EFNB2: variants seen among roughly 807,000 people sequenced by gnomAD.
The protein encoded by EFNB2 is ephrin B2, also known as ephrin-B2.
A neutral mutation model predicts 32.1 loss-of-function variants in EFNB2; 5 were observed. The ratio of observed to expected loss-of-function variants is 0.16; its 90% CI spans 0.08 to 0.33. The LOEUF (loss-of-function observed/expected upper bound fraction) is 0.33, where lower values mean the gene tolerates loss of function less well. Among genes scored for constraint, EFNB2 ranks in the 10% least tolerant of loss-of-function variants. The pLI is 1.00. For synonymous variants in EFNB2, 168 were observed against 166.5 expected, an observed-to-expected ratio of 1.01 and a Z score of -0.07; for missense variants, 263 against 422.6, an observed-to-expected ratio of 0.62 and a Z score of 3.31.
chr13:106,531,027 C>T (rs978242421), intron 1 of EFNB2, among the ~76,000 whole-genome samples: 1 of 152,186 alleles, frequency 6.6e-6, no homozygotes, highest in African/African-American at 2.4e-5. Context: ...TTCACCTGTC[C>T]ACACACTTTA....
At chr13:106,498,705 T>C (rs11841855) in intron 2 of EFNB2, among the ~76,000 whole-genome samples, 2,481 of 152,224 alleles carry the variant, frequency 0.016, 69 homozygotes, top group African/African-American at 0.057. Context: ...ATTCAAGTCT[T>C]AGAGTTGAAG....
At chr13:106,502,655 T>C (rs1360395274) in intron 2 of EFNB2, among the ~76,000 whole-genome samples, 1 of 152,140 alleles carries the variant, frequency 6.6e-6, no homozygotes, top group Non-Finnish European at 1.5e-5. Flanking sequence ...AGTCACAAAA[T>C]AAAGCAATAA....
At chr13:106,533,909 A>T (rs895934341) in intron 1 of EFNB2, among the ~76,000 whole-genome samples, 1 of 152,106 alleles carries the variant, frequency 6.6e-6, no homozygotes, top group Admixed American at 6.5e-5. Flanking sequence ...TTAGGGATGG[A>T]TGGGATTTTC....
intron 2 of EFNB2, among the ~76,000 whole-genome samples, chr13:106,502,099 G>A (rs2090985556): frequency 1.3e-5 from 2 of 152,130 alleles, no homozygotes; most frequent in African/African-American, 4.8e-5. Context: ...ATGATAGGAA[G>A]AATCACTTGA....
At chr13:106,505,645 A>G (rs1878925678) in intron 2 of EFNB2, among the ~76,000 whole-genome samples, 1 of 152,090 alleles carries the variant, frequency 6.6e-6, no homozygotes, top group East Asian at 1.9e-4. Context: ...CATGTGTTTT[A>G]TTTTGCTTTA....
At position 106,526,412 on chromosome 13, in the gene EFNB2, G is replaced by A. The variant is rs575938392; in HGVS notation, c.122+8431C>T. Among the ~76,000 whole-genome samples, 544 of 152,240 alleles carry A rather than the reference G, an allele frequency of 3.6e-3. 4 individuals are homozygous for A. The highest frequency in any genetic ancestry group is 0.012 in the African/African-American group (519 of 41,534). The stretch of plus-strand genomic sequence containing the variant: ...GCTTGCATATCAATCATGACGTACC[G>A]TGTATATGGTTCTTTCTAAGTACAT... On this transcript the variant is annotated intron_variant, in intron 1 of 4. Transcript: ENST00000646441.
chr13:106,495,115 A>T, intron 3 of EFNB2, 121 bp from the exon 4 acceptor site: 1 of 722,166 alleles, frequency 1.4e-6, no homozygotes, highest in Non-Finnish European at 2.4e-6. Context: ...TATGCAAAGT[A>T]CTGTGAAATA....
In EFNB2 at chr13:106,512,578, A is replaced by C; in HGVS notation, c.357T>G (p.Pro119=). The C allele has an allele frequency of 6.2e-7, 1 of 1,613,482 alleles. No homozygotes were observed. The highest frequency in any genetic ancestry group is 8.5e-7 in the Non-Finnish European group (1 of 1,179,522). ...KFTIKFQEFS[P]NLWGLEFQKN... is the part of the protein sequence containing the mutation. ...TCTGAAATTCTAGACCCCAGAGGTT[A>C]GGGCTGAATTCTTGAAACTTGATGG... is the stretch of plus-strand genomic sequence containing the variant. The change falls in exon 2 of 5, where the codon CCT becomes CCG. Residue 119 remains proline (P), a synonymous_variant. Coordinates refer to ENST00000646441, the MANE Select transcript of EFNB2 (RefSeq NM_004093.4).
chr13:106,501,594 T>TC (rs1878780128), intron 2 of EFNB2, among the ~76,000 whole-genome samples: 1 of 151,608 alleles, frequency 6.6e-6, no homozygotes, highest in Non-Finnish European at 1.5e-5. Flanking sequence ...GAATTTATTT[T>TC]CCTTTTTTTT....
chr13:106,531,284 T>C (rs1223783485), intron 1 of EFNB2, among the ~76,000 whole-genome samples: 1 of 152,212 alleles, frequency 6.6e-6, no homozygotes, highest in African/African-American at 2.4e-5. Context: ...TGTTGTGAGG[T>C]ATCGCTTTAG....
In EFNB2 at chr13:106,512,746, G is replaced by A; in HGVS notation, c.189C>T (p.Pro63=). The A allele has an allele frequency of 6.2e-7, 1 of 1,613,496 alleles. No homozygotes were observed. Among genetic ancestry groups the A allele is most frequent in the Non-Finnish European group, 8.5e-7 (1 of 1,179,744 alleles). ...QIGDKLDIIC[P]KVDSKTVGQY... is the part of the protein sequence containing the mutation. ...GGCCAACAGTTTTAGAGTCCACTTTGGGGCAAATAATATCCAATTTGTCTC... is the reference window on the plus strand; with the variant it reads ...GGCCAACAGTTTTAGAGTCCACTTTAGGGCAAATAATATCCAATTTGTCTC... The change falls in exon 2 of 5, where the codon CCC becomes CCT. Residue 63 remains proline, a synonymous_variant. Coordinates refer to ENST00000646441, the MANE Select transcript of EFNB2 (RefSeq NM_004093.4).
chr13:106,518,204 G>A lies in EFNB2; in HGVS notation c.123-5392C>T, dbSNP rs1438884337. 1 of 152,172 alleles carries A rather than the reference G, an allele frequency of 6.6e-6. No individual in the cohort carries two copies. Among genetic ancestry groups the A allele is most frequent in the East Asian group, 1.9e-4 (1 of 5,170 alleles). The allele number at this position is 152,172 out of a possible 1,614,324, so 9.4% of individuals were successfully genotyped here. On this transcript the variant is annotated intron_variant, in intron 1 of 4. Coordinates refer to ENST00000646441, the MANE Select transcript of EFNB2 (RefSeq NM_004093.4). This position sits in a 1 kb window ranked among gnomAD's most constrained non-coding sequence, Gnocchi z 4.1. ...AATACAACACTTAGCTGGGCATGGTGGCGGGCGCCTGTAGTCCTAGTTACT... is the reference window on the plus strand; with the variant it reads ...AATACAACACTTAGCTGGGCATGGTAGCGGGCGCCTGTAGTCCTAGTTACT...
intron 1 of EFNB2, among the ~76,000 whole-genome samples, chr13:106,528,753 G>A (rs184947664): frequency 6.6e-6 from 1 of 152,308 alleles, no homozygotes; most frequent in African/African-American, 2.4e-5. Context: ...TGGCTGAAAT[G>A]GAAAGTATGG....
At chr13:106,519,012 A>G (rs760653488) in intron 1 of EFNB2, 1 of 152,186 alleles carries the variant, frequency 6.6e-6, no homozygotes, top group African/African-American at 2.4e-5. Context: ...ACGGAAGGAA[A>G]CCATGGAAGG....
chr13:106,512,384 A>G, intron 2 of EFNB2, 145 bp downstream of exon 2: 2 of 539,512 alleles, frequency 3.7e-6, no homozygotes, highest in Non-Finnish European at 2.8e-6. Context: ...TTTCTTTGAA[A>G]AAAAAAAAGG....
intron 1 of EFNB2, among the ~76,000 whole-genome samples, chr13:106,514,265 T>C (rs2138923600): frequency 6.6e-6 from 1 of 152,246 alleles, no homozygotes; most frequent in East Asian, 1.9e-4. Flanking sequence ...TTTATAACAA[T>C]GATATATTTA....
chr13:106,535,622 C>A lies in EFNB2; in HGVS notation c.-658G>T, dbSNP rs1179091664. 6.6e-6 allele frequency: 1 copy of A among 150,636 alleles called. No homozygotes were observed. The highest frequency in any genetic ancestry group is 1.5e-5 in the Non-Finnish European group (1 of 67,462). The allele number at this position is 150,636 out of a possible 1,614,324, so 9.3% of individuals were successfully genotyped here. ...GGGACCCGCTGCGTGCGCAGCTCCT[C>A]GCTCCGGCCGGCGCCGCGGTCCCCG... On this transcript the variant is annotated 5_prime_UTR_variant, in exon 1 of 5. Transcript: ENST00000646441.
intron 1 of EFNB2, among the ~76,000 whole-genome samples, chr13:106,526,342 G>A (rs1342279832): frequency 6.6e-6 from 1 of 152,242 alleles, no homozygotes; most frequent in Non-Finnish European, 1.5e-5. Flanking sequence ...CTGATGAAAT[G>A]AAGAAGGTGT....
At chr13:106,510,013 A>G (rs1879087717) in intron 2 of EFNB2, 1 of 152,166 alleles carries the variant, frequency 6.6e-6, no homozygotes, top group African/African-American at 2.4e-5. Context: ...ACAGTCCCCC[A>G]AAGCAACATT....
Sources: allele counts gnomAD v4.1 joint callset (sites outside exome capture counted in the v4.1 genomes callset), GRCh38; gene constraint gnomAD v4.1.1; non-coding constraint Gnocchi (gnomAD v3.1); transcripts MANE v1.5; gene names NCBI Gene and HGNC (gene_info 2026-07-23, HGNC 2026-07-21).